Variants in GRID2 observed in about 807,000 individuals in gnomAD.
GRID2 encodes the protein glutamate receptor ionotropic, delta-2.
Under a neutral mutation model 114.8 loss-of-function variants are expected in GRID2, and 33 were observed. The ratio of observed to expected loss-of-function variants is 0.29; its 90% confidence interval spans 0.22 to 0.38. GRID2 has a LOEUF of 0.38. Among genes scored for constraint, GRID2 ranks in the 10% least tolerant of loss-of-function variants. GRID2 has a pLI of 1.00. For synonymous variants in GRID2, 505 were observed against 449.9 expected (o/e 1.12, Z -1.55); for missense variants, 1,184 against 1,257.7 (o/e 0.94, Z 0.89).
chr4:92,692,808 A>G (rs1402143821), intron 2 of GRID2, among the ~76,000 whole-genome samples: 1 of 152,124 alleles, frequency 6.6e-6, no homozygotes, highest in East Asian at 1.9e-4. Context: ...GAATCACTTG[A>G]GGTCAGGAGT....
chr4:92,565,024 CT>C (rs1290725711), intron 1 of GRID2, among the ~76,000 whole-genome samples: 1 of 151,854 alleles, frequency 6.6e-6, no homozygotes, highest in Non-Finnish European at 1.5e-5. Flanking sequence ...TGGATCTGAC[CT>C]TAATTTTAAC....
intron 1 of GRID2, among the ~76,000 whole-genome samples, chr4:92,485,080 A>G (rs1722798821): frequency 6.6e-6 from 1 of 151,148 alleles, no homozygotes; most frequent in East Asian, 1.9e-4. Context: ...TAATTTTAAT[A>G]TTATCATTAC....
intron 13 of GRID2, among the ~76,000 whole-genome samples, chr4:93,603,642 G>T (rs1322283859): frequency 6.6e-6 from 1 of 152,228 alleles, no homozygotes; most frequent in East Asian, 1.9e-4. Context: ...GAGCTAGAGA[G>T]AAGTCAATGC....
At chr4:92,803,032 T>A (rs1425905563) in intron 2 of GRID2, among the ~76,000 whole-genome samples, 2 of 152,006 alleles carry the variant, frequency 1.3e-5, no homozygotes, top group Non-Finnish European at 2.9e-5. Flanking sequence ...GCTTCCTGTT[T>A]TGAAGACAAT....
intron 13 of GRID2, among the ~76,000 whole-genome samples, chr4:93,586,077 A>T (rs2149602620): frequency 6.6e-6 from 1 of 152,158 alleles, no homozygotes; most frequent in Non-Finnish European, 1.5e-5. Flanking sequence ...TGAGTGTCTG[A>T]CCTCTATATC....
rs1733532200 is a variant in GRID2, at chr4:92,447,500, C to A, written c.89-142631C>A. ...AAGTAGTAGTTGCCTTTTCCACCAGCCCACACAGTTCTATTATTTTCCTAT... is the reference window on the plus strand; with the variant it reads ...AAGTAGTAGTTGCCTTTTCCACCAGACCACACAGTTCTATTATTTTCCTAT... On this transcript the variant is annotated intron_variant, in intron 1 of 15. Coordinates refer to ENST00000282020, the MANE Select transcript of GRID2 (RefSeq NM_001510.4). 2.0e-5 allele frequency among the ~76,000 whole-genome samples: 3 copies of A among 152,134 alleles called. No individual in the cohort carries two copies. The South Asian group carries it at 6.2e-4, about 32-fold the overall frequency.
Position 92,540,736 on chromosome 4 carries a change from A to G in GRID2, c.89-49395A>G, listed in dbSNP as rs550974959. Among the ~76,000 whole-genome samples the G allele has an allele frequency of 1.4e-4, 22 of 152,264 alleles. 1 individual carries two copies. The highest frequency in any genetic ancestry group is 3.3e-4 in the Admixed American group (5 of 15,290). Reference sequence around the variant, plus strand: ...CAACCATTGTGGAAGTCAGTGTGGCAATTCCTCAGGGATCTAGAAGTAGAA... The same window carrying G: ...CAACCATTGTGGAAGTCAGTGTGGCGATTCCTCAGGGATCTAGAAGTAGAA... On this transcript the variant is annotated intron_variant, in intron 1 of 15. Transcript: ENST00000282020.
At chr4:92,851,953 G>A (rs183822112) in intron 2 of GRID2, among the ~76,000 whole-genome samples, 3 of 152,022 alleles carry the variant, frequency 2.0e-5, no homozygotes, top group East Asian at 1.9e-4. Flanking sequence ...AAATCAATTC[G>A]TAAATATTTA....
At chr4:93,374,511 T>A (rs987347105) in intron 8 of GRID2, among the ~76,000 whole-genome samples, 12 of 152,198 alleles carry the variant, frequency 7.9e-5, no homozygotes, top group Non-Finnish European at 1.6e-4. Context: ...TAGTATATTG[T>A]AACTAATCAT....
chr4:92,311,237 T>G (rs983755532), intron 1 of GRID2, among the ~76,000 whole-genome samples: 1 of 152,066 alleles, frequency 6.6e-6, no homozygotes, highest in Non-Finnish European at 1.5e-5. Context: ...TATTAACATA[T>G]GCTTTATATC....
chr4:93,517,930 T>C (rs1337310358), intron 13 of GRID2, among the ~76,000 whole-genome samples: 1 of 131,500 alleles, frequency 7.6e-6, no homozygotes, highest in East Asian at 2.2e-4. Flanking sequence ...ATATACTATA[T>C]ATGTATGTAT....
chr4:92,744,121 A>G (rs1737029476), intron 2 of GRID2, among the ~76,000 whole-genome samples: 1 of 152,132 alleles, frequency 6.6e-6, no homozygotes, highest in Admixed American at 6.6e-5. Flanking sequence ...ATGCATGTTT[A>G]CCCTGTGTAT....
chr4:93,012,762 T>A (rs936258735), intron 2 of GRID2, among the ~76,000 whole-genome samples: 4 of 152,106 alleles, frequency 2.6e-5, no homozygotes, highest in Non-Finnish European at 4.4e-5. Flanking sequence ...GTTGGGTTCT[T>A]TGAATTGCTT....
At chr4:92,938,505 A>G (rs902865663) in intron 2 of GRID2, among the ~76,000 whole-genome samples, 1 of 146,818 alleles carries the variant, frequency 6.8e-6, no homozygotes, top group Admixed American at 7.4e-5. Context: ...GTTAAAGTAC[A>G]GTATAGTAAC....
chr4:92,837,866 C>T (rs994875915), intron 2 of GRID2, among the ~76,000 whole-genome samples: 10 of 152,122 alleles, frequency 6.6e-5, no homozygotes, highest in African/African-American at 2.4e-4. Flanking sequence ...GTTTGAGCCG[C>T]GAATTCAAGT....
intron 7 of GRID2, among the ~76,000 whole-genome samples, chr4:93,228,947 C>T (rs770732092): frequency 9.9e-5 from 15 of 151,882 alleles, no homozygotes; most frequent in African/African-American, 2.4e-4. Flanking sequence ...AATTTATAAC[C>T]AAAACAATTA....
chr4:93,604,698 C>G (rs560569215), intron 13 of GRID2, among the ~76,000 whole-genome samples: 1 of 152,182 alleles, frequency 6.6e-6, no homozygotes, highest in East Asian at 1.9e-4. Flanking sequence ...GCCACAGACA[C>G]TCCAAGCTTC....
chr4:92,565,577 A>G (rs1270121660), intron 1 of GRID2, among the ~76,000 whole-genome samples: 2 of 151,956 alleles, frequency 1.3e-5, no homozygotes, highest in African/African-American at 4.8e-5. Context: ...TTATCTATCT[A>G]TTTATCTATC....
chr4:92,374,342 CAACT>C (rs1321080046), intron 1 of GRID2, among the ~76,000 whole-genome samples: 3 of 152,074 alleles, frequency 2.0e-5, no homozygotes, highest in Non-Finnish European at 4.4e-5. Context: ...TAAACTTAAC[CAACT>C]GTCAACCAGA....
Sources: allele counts gnomAD v4.1 joint callset (sites outside exome capture counted in the v4.1 genomes callset), GRCh38; gene constraint gnomAD v4.1.1; transcripts MANE v1.5; gene names NCBI Gene and HGNC (gene_info 2026-07-23, HGNC 2026-07-21).